The following RBMS3 variants were observed in gnomAD, a reference collection of about 807,000 sequenced individuals.
RBMS3 encodes the protein RNA binding motif single stranded interacting protein 3, also known as RNA-binding motif, single-stranded-interacting protein 3.
A neutral mutation model predicts 66.8 loss-of-function variants in RBMS3; 27 were observed. The ratio of observed to expected loss-of-function variants is 0.40; its 90% CI spans 0.30 to 0.56. The LOEUF (loss-of-function observed/expected upper bound fraction) is 0.56. RBMS3 is among the 20% of genes least tolerant of loss of function. The pLI, the probability that RBMS3 is intolerant of heterozygous loss-of-function variation, is 0.40. For missense variants in RBMS3, 513 were observed against 549.5 expected, an observed-to-expected ratio of 0.93 and a Z score of 0.66; for synonymous variants, 188 against 183.0, an observed-to-expected ratio of 1.03 and a Z score of -0.22.
chr3:29,508,438 G>A (rs2044269276), intron 3 of RBMS3, among the ~76,000 whole-genome samples: 1 of 152,168 alleles, frequency 6.6e-6, no homozygotes, highest in African/African-American at 2.4e-5. Context: ...ACTTATGAGT[G>A]AGGACATGCA....
chr3:29,551,860 C>A (rs918649835), intron 3 of RBMS3, among the ~76,000 whole-genome samples: 5 of 152,182 alleles, frequency 3.3e-5, no homozygotes, highest in Non-Finnish European at 7.3e-5. Context: ...TGAACACAGG[C>A]CCTTTGCTCC....
rs548031550 is a variant in RBMS3 at position 29,431,301 on chromosome 3, C to CTTTTTTTTTTTTT, written c.76-3430_76-3429insTTTTTTTTTTTTT. On this transcript the variant is annotated intron_variant, in intron 1 of 14. Coordinates refer to ENST00000383767, the MANE Select transcript of RBMS3 (RefSeq NM_001003793.3). ...TGTTTCTTTCTTTCTTTTTCCTTTT[C>CTTTTTTTTTTTTT]TTTTTTTTTTTTGACAGAGTCTCAC... 6.8e-5 allele frequency among the ~76,000 whole-genome samples: 9 copies of CTTTTTTTTTTTTT among 132,396 alleles called. 2 individuals are homozygous for CTTTTTTTTTTTTT. The highest frequency in any genetic ancestry group is 2.6e-4 in the African/African-American group (9 of 34,994). 86.9% of individuals were successfully genotyped at this position (132,396 alleles called of 152,430 possible).
rs543968602 is a variant in RBMS3 at position 29,467,412 on chromosome 3, G to A, written c.249-21029G>A. 1.2e-4 allele frequency among the ~76,000 whole-genome samples: 18 copies of A among 152,228 alleles called. 1 individual carries two copies. The highest frequency in any genetic ancestry group is 3.4e-4 in the African/African-American group (14 of 41,538). The stretch of plus-strand genomic sequence containing the variant: ...AATGCATGGAATTTCATGAGTTTGC[G>A]TTTATGTGCTTACATACATATGTGT... On this transcript the variant is annotated intron_variant, in intron 2 of 14. Coordinates refer to ENST00000383767, the MANE Select transcript of RBMS3 (RefSeq NM_001003793.3).
At chr3:29,360,911 C>T (rs9823314) in intron 1 of RBMS3, among the ~76,000 whole-genome samples, 108,984 of 151,690 alleles carry the variant, frequency 0.72, 39,325 homozygotes, top group Admixed American at 0.74. Context: ...TGGATCTTCC[C>T]CCATCCCTTT....
rs1205144689 is a variant in RBMS3 at position 29,731,072 on chromosome 3, A to G, written c.400-8648A>G. 2.1e-5 allele frequency: 20 copies of G among 961,444 alleles called. No individual in the cohort carries two copies. In the East Asian group the frequency reaches 4.6e-4, roughly 22 times the overall value. The allele number at this position is 961,444 out of a possible 1,614,324, so 59.6% of individuals were successfully genotyped here. On this transcript the variant is annotated intron_variant, in intron 4 of 14. Coordinates refer to ENST00000383767, the MANE Select transcript of RBMS3 (RefSeq NM_001003793.3). ...ATGGAATCATTCACTGCCTAACTCA[A>G]TTGAAGGCTCCTCAATTGATCTTGA...
rs2040247320 is a variant in RBMS3, at chr3:29,411,051, A to C, written c.76-23692A>C. Among the ~76,000 whole-genome samples, 3 of 152,186 alleles carry C rather than the reference A, an allele frequency of 2.0e-5. No individual in the cohort carries two copies. In the South Asian group the frequency reaches 6.2e-4, roughly 32 times the overall value. ...ACTTTTTTCTGGTGGTTTTTTGAGTAGACTCAAGTCTCTTGCCCATCTCAG... is the reference window on the plus strand; with the variant it reads ...ACTTTTTTCTGGTGGTTTTTTGAGTCGACTCAAGTCTCTTGCCCATCTCAG... On this transcript the variant is annotated intron_variant, in intron 1 of 14. Transcript: ENST00000383767.
chr3:29,740,645 G>A (rs1250664629), intron 5 of RBMS3, among the ~76,000 whole-genome samples: 2 of 152,160 alleles, frequency 1.3e-5, no homozygotes, highest in Non-Finnish European at 2.9e-5. Context: ...AATAAGTCTT[G>A]TCTCTATGGC....
At chr3:29,614,969 T>C (rs1393710087) in intron 4 of RBMS3, 1 of 152,206 alleles carries the variant, frequency 6.6e-6, no homozygotes, top group Non-Finnish European at 1.5e-5. Flanking sequence ...AAATGAGAAG[T>C]TGCTCATTTT....
intron 7 of RBMS3, among the ~76,000 whole-genome samples, chr3:29,875,649 T>C (rs1333437780): frequency 6.6e-6 from 1 of 152,194 alleles, no homozygotes; most frequent in Non-Finnish European, 1.5e-5. Context: ...ATGGTAACAC[T>C]GTTTTGTCTT....
chr3:29,431,301 C>CTTTTCT (rs1553602317), intron 1 of RBMS3, among the ~76,000 whole-genome samples: 1 of 132,400 alleles, frequency 7.6e-6, no homozygotes, highest in Non-Finnish European at 1.6e-5. Flanking sequence ...TTTTCCTTTT[C>CTTTTCT]TTTTTTTTTT....
At chr3:29,849,356 A>C (rs933963116) in intron 6 of RBMS3, among the ~76,000 whole-genome samples, 5 of 152,016 alleles carry the variant, frequency 3.3e-5, no homozygotes, top group Non-Finnish European at 7.4e-5. Flanking sequence ...TCTACTAAAA[A>C]TATAAAAATT....
chr3:29,479,428 G>T (rs1322334572), intron 2 of RBMS3, among the ~76,000 whole-genome samples: 6 of 151,828 alleles, frequency 4.0e-5, no homozygotes. Context: ...GTTCATGGAG[G>T]CTTATTATGC....
intron 4 of RBMS3, among the ~76,000 whole-genome samples, chr3:29,646,790 A>G (rs546965944): frequency 6.6e-6 from 1 of 151,540 alleles, no homozygotes; most frequent in Non-Finnish European, 1.5e-5. Context: ...GAAAAAAGGG[A>G]GGAGAGTTTA....
At chr3:29,825,835 T>A (rs971142027) in intron 6 of RBMS3, among the ~76,000 whole-genome samples, 1 of 152,212 alleles carries the variant, frequency 6.6e-6, no homozygotes, top group African/African-American at 2.4e-5. Context: ...ATTCTAAGAT[T>A]AGGCACTAAT....
chr3:29,282,553 C>T (rs866749264), intron 1 of RBMS3, among the ~76,000 whole-genome samples: 10 of 152,170 alleles, frequency 6.6e-5, no homozygotes, highest in Middle Eastern at 6.8e-3. Context: ...CAGTACCTAC[C>T]CTGAACTTTA....
chr3:29,592,087 C>T (rs115496385), intron 4 of RBMS3, among the ~76,000 whole-genome samples: 1,981 of 142,160 alleles, frequency 0.014, 47 homozygotes, highest in African/African-American at 0.05. Flanking sequence ...TAGTTGTCTT[C>T]GAAAAAAAAA....
chr3:29,599,574 G>T (rs2048075939), intron 4 of RBMS3, among the ~76,000 whole-genome samples: 1 of 152,170 alleles, frequency 6.6e-6, no homozygotes, highest in South Asian at 2.1e-4. Context: ...CATGGAGATT[G>T]AAAGGACTGA....
intron 3 of RBMS3, among the ~76,000 whole-genome samples, chr3:29,579,400 C>G (rs577175002): frequency 9.6e-4 from 146 of 152,282 alleles, no homozygotes; most frequent in Middle Eastern, 3.4e-3. Context: ...GTCATTACCT[C>G]TATTCCTTGT....
intron 1 of RBMS3, among the ~76,000 whole-genome samples, chr3:29,404,972 T>G (rs1409328600): frequency 2.0e-5 from 3 of 152,114 alleles, no homozygotes; most frequent in African/African-American, 7.2e-5. Context: ...TGAATTATAA[T>G]GAATGGTAAT....
Sources: allele counts gnomAD v4.1 joint callset (sites outside exome capture counted in the v4.1 genomes callset), GRCh38; gene constraint gnomAD v4.1.1; transcripts MANE v1.5; gene names NCBI Gene and HGNC (gene_info 2026-07-23, HGNC 2026-07-21).